The following CFAP100 variants were observed in gnomAD, a reference collection of about 807,000 sequenced individuals.
The protein encoded by CFAP100 is cilia- and flagella-associated protein 100.
Under a neutral mutation model 81.5 loss-of-function variants are expected in CFAP100, and 70 were observed. The ratio of observed to expected loss-of-function variants is 0.86; its 90% CI spans 0.71 to 1.05. CFAP100 has a LOEUF of 1.05. Ranked by LOEUF, CFAP100 falls within the 50% of genes least tolerant of loss-of-function variation. CFAP100 has a pLI of 0.00. For missense variants in CFAP100, 811 were observed against 776.5 expected (o/e 1.04, Z -0.53); for synonymous variants, 341 against 314.8 (o/e 1.08, Z -0.88).
In CFAP100 at chr3:126,419,731, G is replaced by C. The variant is rs1006340727; in HGVS notation, c.826G>C (p.Glu276Gln). The change falls in exon 9 of 17, where the codon GAA becomes CAA. Residue 276 changes from glutamate (E) to glutamine (Q), a missense_variant. By Grantham distance (29) the Glu-to-Gln change is conservative. Coordinates refer to ENST00000352312, the MANE Select transcript of CFAP100 (RefSeq NM_182628.3). ...GCCCAAGGAGTGGCTTGAAGAACAG[G>C]AAAAGAAACACTCGTTTCTCAAAAA... ...LSPKEWLEEQ[E>Q]KKHSFLKKAK... 2.5e-6 allele frequency: 4 copies of C among 1,613,944 alleles called. No individual in the cohort carries two copies. Among genetic ancestry groups the C allele is most frequent in the Middle Eastern group, 1.6e-4 (1 of 6,084 alleles).
rs1338690394 is a variant in CFAP100, at chr3:126,408,031, C to G, written c.130+779C>G. The stretch of plus-strand genomic sequence containing the variant: ...TGCTCCATGGCCCAGGCTCCCACCC[C>G]TCTCCCCACCACATTTCCTCTCTTT... On this transcript the variant is annotated intron_variant, in intron 3 of 16. Coordinates refer to ENST00000352312, the MANE Select transcript of CFAP100 (RefSeq NM_182628.3). Among the ~76,000 whole-genome samples, 57 of 152,308 alleles carry G rather than the reference C, an allele frequency of 3.7e-4. 1 individual carries two copies. Among genetic ancestry groups the G allele is most frequent in the Admixed American group, 3.7e-3 (57 of 15,298 alleles).
At chr3:126,414,307 A>G (rs758323296) in intron 4 of CFAP100, 128 bp downstream of exon 4, 8 of 778,016 alleles carry the variant, frequency 1.0e-5, no homozygotes, top group African/African-American at 1.7e-5. Context: ...AATAGTCAAT[A>G]GCTCACCACT....
At chr3:126,432,829 G>A (rs970642061) in intron 13 of CFAP100, 1 of 392,152 alleles carries the variant, frequency 2.6e-6, no homozygotes, top group Non-Finnish European at 4.5e-6. Flanking sequence ...TATTGTCTGT[G>A]AATTATGCCT....
intron 13 of CFAP100, among the ~76,000 whole-genome samples, chr3:126,428,675 T>G (rs944102240): frequency 6.6e-6 from 1 of 152,160 alleles, no homozygotes; most frequent in Non-Finnish European, 1.5e-5. Context: ...TTTGGGATGA[T>G]TTTTGCATCT....
At chr3:126,435,806 C>G (rs1168403483) in intron 16 of CFAP100, among the ~76,000 whole-genome samples, 154 bp downstream of exon 16, 1 of 152,178 alleles carries the variant, frequency 6.6e-6, no homozygotes, top group Non-Finnish European at 1.5e-5. Context: ...AAGGCCTCTC[C>G]CAGGACCTGC....
At chr3:126,416,591 C>A in intron 5 of CFAP100, 83 bp downstream of exon 5, 1 of 1,188,350 alleles carries the variant, frequency 8.4e-7, no homozygotes, top group Non-Finnish European at 1.2e-6. Context: ...AACCTCCGTG[C>A]CACTCATCTT....
intron 3 of CFAP100, among the ~76,000 whole-genome samples, chr3:126,412,889 G>A (rs1025121121): frequency 1.3e-4 from 20 of 152,322 alleles, no homozygotes; most frequent in Middle Eastern, 3.4e-3. Context: ...CACCTCCTTG[G>A]GTGGTCAGGA....
chr3:126,431,553 T>C (rs1188511742), intron 13 of CFAP100, among the ~76,000 whole-genome samples: 2 of 152,192 alleles, frequency 1.3e-5, no homozygotes, highest in African/African-American at 4.8e-5. Flanking sequence ...AACCTCTCCC[T>C]TGAATTCTGG....
chr3:126,424,415 G>A, intron 13 of CFAP100, among the ~76,000 whole-genome samples: 1 of 152,366 alleles, frequency 6.6e-6, no homozygotes, highest in Non-Finnish European at 1.5e-5. Flanking sequence ...GAGGCAGCAG[G>A]AGAAGTCAGG....
intron 5 of CFAP100, chr3:126,416,931 C>T (rs4679241): frequency 0.25 from 38,957 of 153,790 alleles, 5,280 homozygotes; most frequent in African/African-American, 0.35. Flanking sequence ...AAAACAACTT[C>T]ATCATAGGTA....
intron 11 of CFAP100, among the ~76,000 whole-genome samples, chr3:126,423,010 G>C (rs919958165): frequency 1.3e-5 from 2 of 152,202 alleles, no homozygotes; most frequent in Admixed American, 6.5e-5. Context: ...TCTAAGTGCA[G>C]TGGAGCTGGG....
chr3:126,407,113 C>A, intron 2 of CFAP100, 59 bp from the exon 3 acceptor site: 1 of 1,223,356 alleles, frequency 8.2e-7, no homozygotes, highest in Non-Finnish European at 1.2e-6. Flanking sequence ...AGGCTGTGTT[C>A]ACAGTTCTCA....
At chr3:126,431,961 G>A (rs1933248694) in intron 13 of CFAP100, among the ~76,000 whole-genome samples, 1 of 152,140 alleles carries the variant, frequency 6.6e-6, no homozygotes, top group South Asian at 2.1e-4. Flanking sequence ...TGTCCCTTGT[G>A]CATCTGTTTC....
At chr3:126,402,161 G>A (rs2082995596) in intron 2 of CFAP100, among the ~76,000 whole-genome samples, 1 of 152,260 alleles carries the variant, frequency 6.6e-6, no homozygotes, top group South Asian at 2.1e-4. Context: ...GCCACTCTGA[G>A]GAGGCCTGGC....
chr3:126,418,956 C>T (rs534260063), intron 7 of CFAP100, 120 bp from the exon 8 acceptor site: 1 of 982,582 alleles, frequency 1.0e-6, no homozygotes, highest in East Asian at 2.6e-5. Context: ...GTGTGGCTCT[C>T]CAGCCCTGTC....
intron 4 of CFAP100, among the ~76,000 whole-genome samples, chr3:126,414,555 C>A (rs1447153165): frequency 1.3e-5 from 2 of 152,216 alleles, no homozygotes; most frequent in Non-Finnish European, 2.9e-5. Context: ...CCTCTCCCAT[C>A]CCACAGGCAC....
At chr3:126,405,790 ATTCT>A (rs996223702) in intron 2 of CFAP100, among the ~76,000 whole-genome samples, 1 of 151,880 alleles carries the variant, frequency 6.6e-6, no homozygotes, top group African/African-American at 2.4e-5. Context: ...TTGCTCTTTC[ATTCT>A]TTCTTGTTTT....
At chr3:126,430,174 A>G (rs953178265) in intron 13 of CFAP100, among the ~76,000 whole-genome samples, 3 of 152,176 alleles carry the variant, frequency 2.0e-5, no homozygotes, top group African/African-American at 7.2e-5. Flanking sequence ...TTTAGACTTC[A>G]TGAATCTGGA....
intron 11 of CFAP100, 148 bp downstream of exon 11, chr3:126,420,377 C>T (rs2083311680): frequency 2.6e-6 from 3 of 1,153,888 alleles, no homozygotes; most frequent in South Asian, 1.6e-5. Context: ...CAGGGACGTC[C>T]CAGGCCGGCC....
Sources: gnomAD v4.1 joint callset for allele counts (sites outside exome capture counted in the v4.1 genomes callset) on GRCh38, gnomAD v4.1.1 for gene constraint, MANE v1.5 for transcripts, NCBI Gene and HGNC (gene_info 2026-07-23, HGNC 2026-07-21) for gene names.